The following TBXAS1 variants were observed in gnomAD, a reference collection of about 807,000 sequenced individuals.
The protein encoded by TBXAS1 is thromboxane-A synthase.
TBXAS1 carries 48 observed loss-of-function variants against 60.7 expected under a neutral mutation model. That is an observed-to-expected ratio of 0.79 (90% confidence interval 0.63 to 1.01). TBXAS1 has a LOEUF of 1.01. Ranked by LOEUF, TBXAS1 falls within the 50% of genes least tolerant of loss-of-function variation. The pLI is 0.00. For synonymous variants in TBXAS1, 287 were observed against 269.7 expected, an observed-to-expected ratio of 1.06 and a Z score of -0.63; for missense variants, 685 against 686.3, an observed-to-expected ratio of 1.00 and a Z score of 0.02.
At position 139,895,778 on chromosome 7, in the gene TBXAS1, C is replaced by A. The variant is rs184126305; in HGVS notation, c.237-15447C>A. On this transcript the variant is annotated intron_variant, in intron 3 of 12. Coordinates refer to ENST00000448866, the MANE Select transcript of TBXAS1 (RefSeq NM_001061.7). ...GAGGGTTCTGTATGCTGAGCTTCCC[C>A]ACAGAGGACTCTTTGCCCCGCTAGA... Among the ~76,000 whole-genome samples, 29 of 152,326 alleles carry A rather than the reference C, an allele frequency of 1.9e-4. 1 individual carries two copies. In the East Asian group the frequency reaches 5.4e-3, roughly 28 times the overall value.
rs781492141 is a variant in TBXAS1, at chr7:139,957,769, C to T, written c.819+5C>T. 81 of 1,613,764 alleles carry T rather than the reference C, an allele frequency of 5.0e-5. No individual in the cohort carries two copies. The highest frequency in any genetic ancestry group is 6.7e-5 in the Non-Finnish European group (79 of 1,179,974). ...GACCAGCAAGCTGCCGAAGAGGTAA[C>T]GTATTTTAATAGGACACAGCCTTGA... is the stretch of plus-strand genomic sequence containing the variant. On this transcript the variant is annotated splice_donor_5th_base_variant and intron_variant, in intron 8 of 12. Transcript: ENST00000448866.
intron 1 of TBXAS1, among the ~76,000 whole-genome samples, chr7:139,843,482 AC>A (rs1242199204): frequency 2.0e-5 from 3 of 152,088 alleles, no homozygotes; most frequent in Non-Finnish European, 2.9e-5. Context: ...AGCTGGGGCT[AC>A]AGGTGCGTGC....
At chr7:139,876,623 T>C (rs1047133678) in intron 3 of TBXAS1, among the ~76,000 whole-genome samples, 1 of 152,190 alleles carries the variant, frequency 6.6e-6, no homozygotes, top group Non-Finnish European at 1.5e-5. Context: ...GGGATTGGCT[T>C]GTCCTCTTTA....
intron 9 of TBXAS1, among the ~76,000 whole-genome samples, chr7:139,983,168 T>C (rs552276161): frequency 1.4e-4 from 22 of 152,166 alleles, no homozygotes; most frequent in African/African-American, 3.1e-4. Flanking sequence ...TTAAACCAAA[T>C]TGTCTTGGTA....
chr7:139,872,848 T>C (rs1362552940), intron 2 of TBXAS1, among the ~76,000 whole-genome samples: 1 of 152,140 alleles, frequency 6.6e-6, no homozygotes, highest in African/African-American at 2.4e-5. Flanking sequence ...ACTATCAATA[T>C]GTATTGAGTC....
chr7:139,875,928 A>G (rs1802198741), intron 3 of TBXAS1: 3 of 472,322 alleles, frequency 6.4e-6, no homozygotes, highest in African/African-American at 5.9e-5. Context: ...TGCTGTGCTG[A>G]GGGGTGTTGC....
Position 139,941,870 on chromosome 7 carries a change from C to T in TBXAS1, c.450+5563C>T, listed in dbSNP as rs147854655. On this transcript the variant is annotated intron_variant, in intron 5 of 12. Coordinates refer to ENST00000448866, the MANE Select transcript of TBXAS1 (RefSeq NM_001061.7). ...TGGGGCTAAATTAGTACTTCTCTGA[C>T]GGAAAATGTATAAATAATGTGATCC... is the stretch of plus-strand genomic sequence containing the variant. 8.3e-4 allele frequency among the ~76,000 whole-genome samples: 127 copies of T among 152,200 alleles called. 1 individual carries two copies. Among genetic ancestry groups the T allele is most frequent in the African/African-American group, 2.3e-3 (97 of 41,540 alleles).
intron 10 of TBXAS1, among the ~76,000 whole-genome samples, chr7:140,010,842 A>G (rs944853655): frequency 2.0e-5 from 3 of 152,248 alleles, no homozygotes; most frequent in African/African-American, 4.8e-5. Flanking sequence ...AATTACTGTA[A>G]TCATTGCATT....
At chr7:139,914,632 G>T (rs1482060164) in intron 4 of TBXAS1, among the ~76,000 whole-genome samples, 1 of 152,082 alleles carries the variant, frequency 6.6e-6, no homozygotes, top group Non-Finnish European at 1.5e-5. Flanking sequence ...AACTCTTGCT[G>T]TTCTTCAAGA....
chr7:139,898,863 G>A (rs1804334814), intron 3 of TBXAS1, among the ~76,000 whole-genome samples: 1 of 152,056 alleles, frequency 6.6e-6, no homozygotes, highest in African/African-American at 2.4e-5. Context: ...AGGTTGATTT[G>A]CTCAAGGTGA....
At chr7:139,936,006 G>A (rs1230527034) in intron 4 of TBXAS1, among the ~76,000 whole-genome samples, 185 bp from the exon 5 acceptor site, 4 of 152,150 alleles carry the variant, frequency 2.6e-5, no homozygotes, top group Non-Finnish European at 5.9e-5. Flanking sequence ...TCTGGGCCCC[G>A]CCATGATTCT....
At chr7:139,957,004 G>A (rs577329668) in intron 7 of TBXAS1, among the ~76,000 whole-genome samples, 2 of 152,346 alleles carry the variant, frequency 1.3e-5, no homozygotes, top group Admixed American at 6.5e-5. Context: ...GCTGAACCCA[G>A]CCAGTGCCCC....
intron 1 of TBXAS1, among the ~76,000 whole-genome samples, chr7:139,854,459 G>A (rs1800444079): frequency 6.6e-6 from 1 of 152,160 alleles, no homozygotes; most frequent in South Asian, 2.1e-4. Context: ...GCAACATGAT[G>A]AGATTTGCAT....
intron 5 of TBXAS1, among the ~76,000 whole-genome samples, chr7:139,951,952 A>AGAG (rs1207470801): frequency 3.0e-5 from 2 of 66,186 alleles, no homozygotes; most frequent in African/African-American, 1.3e-4. Context: ...AAAGAAAGAA[A>AGAG]AGAAAGAAAG....
intron 4 of TBXAS1, among the ~76,000 whole-genome samples, chr7:139,934,332 G>A (rs866675236): frequency 6.6e-6 from 1 of 151,976 alleles, no homozygotes; most frequent in Admixed American, 6.6e-5. Context: ...GGGATTACAG[G>A]TGCCTGCCAC....
chr7:139,870,138 G>A (rs1378108111), intron 1 of TBXAS1, among the ~76,000 whole-genome samples: 4 of 152,198 alleles, frequency 2.6e-5, no homozygotes, highest in Non-Finnish European at 5.9e-5. Flanking sequence ...TTGTGGTGGT[G>A]TCCAGGACAC....
At chr7:139,823,264 A>G (rs1040705143) in intron 4 of TBXAS1, among the ~76,000 whole-genome samples, 17 of 151,764 alleles carry the variant, frequency 1.1e-4, no homozygotes, top group African/African-American at 4.1e-4. Context: ...TTATATGTCT[A>G]TTTCCTTATC....
intron 3 of TBXAS1, among the ~76,000 whole-genome samples, chr7:139,784,495 CA>C (rs1484194899): frequency 6.6e-6 from 1 of 152,174 alleles, no homozygotes; most frequent in Non-Finnish European, 1.5e-5. Flanking sequence ...TACAGAGGGA[CA>C]AATGGCAAGG....
chr7:139,831,318 G>A (rs1424273688), intron 1 of TBXAS1, among the ~76,000 whole-genome samples: 1 of 152,100 alleles, frequency 6.6e-6, no homozygotes, highest in African/African-American at 2.4e-5. Context: ...TCAGTGCAAG[G>A]GGAACCACCC....
Sources: gnomAD v4.1 joint callset for allele counts (sites outside exome capture counted in the v4.1 genomes callset) on GRCh38, gnomAD v4.1.1 for gene constraint, MANE v1.5 for transcripts, NCBI Gene and HGNC (gene_info 2026-07-23, HGNC 2026-07-21) for gene names.